The following BMP2K variants were observed in gnomAD, a reference collection of about 807,000 sequenced individuals.
BMP2K encodes BMP2 inducible kinase, also known as BMP-2-inducible protein kinase.
BMP2K carries 74 observed loss-of-function variants against 116.0 expected under a neutral mutation model. The ratio of observed to expected loss-of-function variants is 0.64; its 90% confidence interval spans 0.53 to 0.77. The LOEUF (loss-of-function observed/expected upper bound fraction) is 0.77. BMP2K is among the 30% of genes least tolerant of loss of function. The probability of loss-of-function intolerance (pLI) is 0.00; values close to 1 mark genes in which losing one functional copy is unlikely to be tolerated. For missense variants in BMP2K, 1,365 were observed against 1,403.6 expected, an observed-to-expected ratio of 0.97 and a Z score of 0.44; for synonymous variants, 486 against 502.5, an observed-to-expected ratio of 0.97 and a Z score of 0.44.
intron 13 of BMP2K, among the ~76,000 whole-genome samples, chr4:78,873,350 T>A (rs1036132600): frequency 9.9e-5 from 15 of 152,226 alleles, no homozygotes; most frequent in Admixed American, 7.9e-4. Flanking sequence ...TAAATAACTT[T>A]GGTACAAAAT....
At chr4:78,821,061 G>A (rs1490783076) in intron 1 of BMP2K, among the ~76,000 whole-genome samples, 3 of 152,100 alleles carry the variant, frequency 2.0e-5, no homozygotes, top group Admixed American at 1.3e-4. Flanking sequence ...TGACTGCAAT[G>A]TCTTTCTTCT....
At chr4:78,855,831 T>G (rs1731482552) in intron 7 of BMP2K, among the ~76,000 whole-genome samples, 1 of 152,212 alleles carries the variant, frequency 6.6e-6, no homozygotes, top group African/African-American at 2.4e-5. Context: ...ATATTATTTC[T>G]TCGTGGCTAA....
At position 78,913,558 on chromosome 4, in the gene BMP2K, T is replaced by A. The variant is rs1389418494; in HGVS notation, c.*1525T>A. On this transcript the variant is annotated 3_prime_UTR_variant, in exon 16 of 16. Coordinates refer to ENST00000502613, the MANE Select transcript of BMP2K (RefSeq NM_198892.2). ...GGAGTAGAAACTCATCAACTGGCACTCTCTTTGATTTTTATATTTTAAATT... is the reference window on the plus strand; with the variant it reads ...GGAGTAGAAACTCATCAACTGGCACACTCTTTGATTTTTATATTTTAAATT... 2 of 152,006 alleles carry A rather than the reference T, an allele frequency of 1.3e-5. No homozygotes were observed. Among genetic ancestry groups the A allele is most frequent in the African/African-American group, 4.8e-5 (2 of 41,458 alleles). 9.4% of individuals were successfully genotyped at this position (152,006 alleles called of 1,614,324 possible). A position where few individuals can be genotyped will look rare whatever the true frequency, so the allele number is the denominator to read the frequency against.
At chr4:78,827,380 A>G (rs1176833779) in intron 2 of BMP2K, among the ~76,000 whole-genome samples, 2 of 152,214 alleles carry the variant, frequency 1.3e-5, no homozygotes, top group South Asian at 4.1e-4. Context: ...CTTGCCAGCT[A>G]TGTTCAGGGT....
At chr4:78,851,554 G>A (rs1308299215) in intron 7 of BMP2K, among the ~76,000 whole-genome samples, 1 of 152,078 alleles carries the variant, frequency 6.6e-6, no homozygotes, top group Admixed American at 6.6e-5. Context: ...TAAGTGTGTT[G>A]TGTCTAGCAT....
At chr4:78,800,833 A>G (rs1728535486) in intron 1 of BMP2K, among the ~76,000 whole-genome samples, 1 of 152,212 alleles carries the variant, frequency 6.6e-6, no homozygotes, top group Non-Finnish European at 1.5e-5. Context: ...ATGTAATATT[A>G]CATTTATTAA....
chr4:78,892,434 T>G (rs191041209), intron 15 of BMP2K, among the ~76,000 whole-genome samples: 130 of 152,350 alleles, frequency 8.5e-4, no homozygotes, highest in African/African-American at 3.1e-3. Context: ...TGATATTCCG[T>G]TTTTATACCT....
intron 1 of BMP2K, among the ~76,000 whole-genome samples, chr4:78,808,192 C>G (rs904963388): frequency 6.6e-6 from 1 of 151,374 alleles, no homozygotes. Flanking sequence ...GTAGCTGGGA[C>G]TACAGGTGCC....
intron 14 of BMP2K, among the ~76,000 whole-genome samples, chr4:78,882,529 G>C (rs1052761515): frequency 5.3e-5 from 8 of 151,188 alleles, no homozygotes; most frequent in African/African-American, 2.0e-4. Context: ...TAATATTTTA[G>C]TATTTTAATA....
At chr4:78,899,655 A>T (rs915478815) in intron 15 of BMP2K, among the ~76,000 whole-genome samples, 1 of 146,170 alleles carries the variant, frequency 6.8e-6, no homozygotes, top group Non-Finnish European at 1.5e-5. Flanking sequence ...TGAAGAAAGA[A>T]TTTTTTTTTT....
At chr4:78,845,111 C>A in intron 5 of BMP2K, 62 bp downstream of exon 5, 1 of 1,358,714 alleles carries the variant, frequency 7.4e-7, no homozygotes. Flanking sequence ...GAGTCTCTGG[C>A]CAGCACTGCT....
chr4:78,781,846 C>T (rs1727520172), intron 1 of BMP2K, among the ~76,000 whole-genome samples: 1 of 152,030 alleles, frequency 6.6e-6, no homozygotes. Flanking sequence ...GTACCGAGTA[C>T]CACTGATTTC....
At chr4:78,799,808 T>C (rs1440120708) in intron 1 of BMP2K, among the ~76,000 whole-genome samples, 1 of 152,216 alleles carries the variant, frequency 6.6e-6, no homozygotes, top group Non-Finnish European at 1.5e-5. Flanking sequence ...GTAGCCTGGT[T>C]GTGGTTGAAG....
rs532415242 is a variant in BMP2K at position 78,844,805 on chromosome 4, C to T, written c.547-123C>T. 5.6e-5 allele frequency: 44 copies of T among 786,910 alleles called. 1 individual carries two copies. Among genetic ancestry groups the T allele is most frequent in the Middle Eastern group, 7.7e-4 (2 of 2,588 alleles). 48.7% of individuals were successfully genotyped at this position (786,910 alleles called of 1,614,324 possible). On this transcript the variant is annotated intron_variant, in intron 4 of 15. Transcript: ENST00000502613. ...TACTTATTTTTGTATATGGCATATACCCTTCGGTGTTTATTGTGTAAAAAT... is the reference window on the plus strand; with the variant it reads ...TACTTATTTTTGTATATGGCATATATCCTTCGGTGTTTATTGTGTAAAAAT...
At chr4:78,820,078 A>C (rs1276265351) in intron 1 of BMP2K, among the ~76,000 whole-genome samples, 1 of 152,228 alleles carries the variant, frequency 6.6e-6, no homozygotes, top group Non-Finnish European at 1.5e-5. Context: ...TTATCTTACT[A>C]TAATAACTGT....
intron 10 of BMP2K, among the ~76,000 whole-genome samples, chr4:78,866,506 A>G (rs916794064): frequency 3.9e-5 from 6 of 152,158 alleles, no homozygotes; most frequent in Non-Finnish European, 7.3e-5. Context: ...ACTAGTACCT[A>G]TCTTAATAGG....
At chr4:78,803,346 T>A (rs1728664200) in intron 1 of BMP2K, among the ~76,000 whole-genome samples, 2 of 152,176 alleles carry the variant, frequency 1.3e-5, no homozygotes, top group Admixed American at 6.5e-5. Flanking sequence ...CCTTGATTTT[T>A]AAAAATTGCT....
intron 2 of BMP2K, among the ~76,000 whole-genome samples, chr4:78,831,409 A>G (rs1048981222): frequency 1.3e-5 from 2 of 152,250 alleles, no homozygotes; most frequent in African/African-American, 4.8e-5. Flanking sequence ...GATTGCCACA[A>G]ACCTTTAATT....
chr4:78,781,859 G>T (rs1207719768), intron 1 of BMP2K, among the ~76,000 whole-genome samples: 1 of 152,110 alleles, frequency 6.6e-6, no homozygotes, highest in South Asian at 2.1e-4. Flanking sequence ...CTGATTTCGA[G>T]CGGGCGAAGA....
Sources: gnomAD v4.1 joint callset for allele counts (sites outside exome capture counted in the v4.1 genomes callset) on GRCh38, gnomAD v4.1.1 for gene constraint, MANE v1.5 for transcripts, NCBI Gene and HGNC (gene_info 2026-07-23, HGNC 2026-07-21) for gene names.